The following NRG3 variants were observed in gnomAD, a reference collection of about 807,000 sequenced individuals.
NRG3 encodes pro-neuregulin-3, membrane-bound isoform.
A neutral mutation model predicts 66.9 loss-of-function variants in NRG3; 31 were observed. That is an observed-to-expected ratio of 0.46 (90% CI 0.35 to 0.63). The LOEUF is 0.63. Ranked by LOEUF, NRG3 falls within the 20% of genes least tolerant of loss-of-function variation. The pLI, the probability that NRG3 is intolerant of heterozygous loss-of-function variation, is 0.00. For missense variants in NRG3, 910 were observed against 878.9 expected (o/e 1.04, Z -0.45); for synonymous variants, 393 against 359.4 (o/e 1.09, Z -1.06).
chr10:82,760,683 AAAAT>A lies in NRG3; in HGVS notation c.1027+22043_1027+22046del, dbSNP rs779570349. ...TGGTTTTATCTACTTAGAAAATAAA[AAAAT>A]AAATAAATAGAGAATAGCTACCAAA... is the stretch of plus-strand genomic sequence containing the variant. On this transcript the variant is annotated intron_variant, in intron 3 of 8. Coordinates refer to ENST00000372141, the MANE Select transcript of NRG3 (RefSeq NM_001010848.4). Among the ~76,000 whole-genome samples the A allele has an allele frequency of 5.3e-5, 8 of 152,176 alleles. 1 individual carries two copies. Among genetic ancestry groups the A allele is most frequent in the Admixed American group, 2.0e-4 (3 of 15,258 alleles).
intron 3 of NRG3, among the ~76,000 whole-genome samples, chr10:82,839,327 T>C (rs1385773292): frequency 6.6e-6 from 1 of 152,158 alleles, no homozygotes; most frequent in Non-Finnish European, 1.5e-5. Context: ...AACAAACTGA[T>C]ACTTATCAAA....
chr10:82,720,612 T>C (rs2057237783), intron 2 of NRG3, among the ~76,000 whole-genome samples: 1 of 151,578 alleles, frequency 6.6e-6, no homozygotes, highest in Non-Finnish European at 1.5e-5. Context: ...TAACAACATC[T>C]CCTTCTCAAC....
chr10:82,939,060 T>A (rs1327435157), intron 4 of NRG3, among the ~76,000 whole-genome samples: 2 of 152,340 alleles, frequency 1.3e-5, no homozygotes, highest in African/African-American at 4.8e-5. Context: ...ATAATTTATT[T>A]GTGGAAGAAA....
At chr10:82,107,584 A>C (rs968938733) in intron 1 of NRG3, among the ~76,000 whole-genome samples, 2 of 152,248 alleles carry the variant, frequency 1.3e-5, no homozygotes, top group Non-Finnish European at 2.9e-5. Context: ...TCAGTGATGT[A>C]GCAGAACTAG....
At chr10:82,876,213 T>C (rs1591802938) in intron 4 of NRG3, among the ~76,000 whole-genome samples, 2 of 152,128 alleles carry the variant, frequency 1.3e-5, no homozygotes. Flanking sequence ...GTATAATATT[T>C]TCCGTAAAGT....
At position 82,894,951 on chromosome 10, in the gene NRG3, C is replaced by T. The variant is rs1016990954; in HGVS notation, c.1054+29514C>T. On this transcript the variant is annotated intron_variant, in intron 4 of 8. Coordinates refer to ENST00000372141, the MANE Select transcript of NRG3 (RefSeq NM_001010848.4). ...TGATGTTCCCCTCTCTGTGTCCATG[C>T]GTTCTTTGTTCAACTCCCACTTATG... is the stretch of plus-strand genomic sequence containing the variant. 2.0e-5 allele frequency among the ~76,000 whole-genome samples: 3 copies of T among 152,104 alleles called. No individual in the cohort carries two copies. The East Asian group carries it at 5.8e-4, about 29-fold the overall frequency.
intron 2 of NRG3, among the ~76,000 whole-genome samples, chr10:82,408,058 A>AGAGC (rs1826605595): frequency 8.3e-6 from 1 of 120,520 alleles, no homozygotes; most frequent in Non-Finnish European, 1.7e-5. Flanking sequence ...AGAGAGAGAG[A>AGAGC]GAGAGAGAGA....
At chr10:82,412,056 G>A (rs2088134972) in intron 2 of NRG3, among the ~76,000 whole-genome samples, 1 of 152,082 alleles carries the variant, frequency 6.6e-6, no homozygotes, top group Admixed American at 6.6e-5. Context: ...GGAGCCATTA[G>A]CATGATTTTA....
At chr10:82,498,641 A>G (rs557653481) in intron 2 of NRG3, among the ~76,000 whole-genome samples, 10 of 152,158 alleles carry the variant, frequency 6.6e-5, no homozygotes, top group African/African-American at 2.4e-4. Context: ...AGAAAAGGAC[A>G]TGAGATTACT....
At chr10:82,022,512 G>T (rs571538335) in intron 1 of NRG3, among the ~76,000 whole-genome samples, 3 of 152,092 alleles carry the variant, frequency 2.0e-5, no homozygotes, top group Admixed American at 6.6e-5. Context: ...AAGCAAGAAA[G>T]GCTTTGCCTA....
At chr10:82,077,087 A>G (rs1026532977) in intron 1 of NRG3, among the ~76,000 whole-genome samples, 2 of 152,248 alleles carry the variant, frequency 1.3e-5, no homozygotes, top group African/African-American at 4.8e-5. Flanking sequence ...ACAGCCATTT[A>G]TAATGGAAAA....
chr10:82,865,008 T>G (rs189974895), intron 3 of NRG3, among the ~76,000 whole-genome samples: 2 of 152,358 alleles, frequency 1.3e-5, no homozygotes, highest in East Asian at 3.9e-4. Context: ...ATTTTTATTA[T>G]AGAGGTTCAA....
In NRG3 at chr10:82,718,894, G is replaced by A. The variant is rs567412453; in HGVS notation, c.954-19683G>A. Among the ~76,000 whole-genome samples, 6 of 152,298 alleles carry A rather than the reference G, an allele frequency of 3.9e-5. No individual in the cohort carries two copies. In the South Asian group the frequency reaches 1.2e-3, roughly 32 times the overall value. ...AGGTCATTAAAGTTGTAATTGTAGT[G>A]CAAATTTTTTTAGATCGAGGTCTGG... On this transcript the variant is annotated intron_variant, in intron 2 of 8. Coordinates refer to ENST00000372141, the MANE Select transcript of NRG3 (RefSeq NM_001010848.4).
At chr10:81,971,481 C>T (rs2059930945) in intron 1 of NRG3, among the ~76,000 whole-genome samples, 1 of 152,178 alleles carries the variant, frequency 6.6e-6, no homozygotes, top group South Asian at 2.1e-4. Context: ...AAAAGATCAA[C>T]TATGATGACA....
At chr10:82,820,742 TTGA>T (rs1259053426) in intron 3 of NRG3, among the ~76,000 whole-genome samples, 3 of 152,242 alleles carry the variant, frequency 2.0e-5, no homozygotes, top group African/African-American at 7.2e-5. Context: ...TTTCTAAGTG[TTGA>T]TGATTTCAGA....
intron 1 of NRG3, among the ~76,000 whole-genome samples, chr10:82,121,344 C>T (rs1374039932): frequency 6.6e-6 from 1 of 152,136 alleles, no homozygotes; most frequent in East Asian, 1.9e-4. Context: ...ATTGGATCTG[C>T]CATTGTACCT....
intron 3 of NRG3, among the ~76,000 whole-genome samples, chr10:82,776,930 G>A (rs1054217823): frequency 1.3e-5 from 2 of 151,844 alleles, no homozygotes; most frequent in African/African-American, 4.8e-5. Flanking sequence ...CATTTATATG[G>A]GGTTAGCTAC....
At chr10:82,321,869 A>C (rs1032429969) in intron 1 of NRG3, among the ~76,000 whole-genome samples, 11 of 152,124 alleles carry the variant, frequency 7.2e-5, no homozygotes, top group African/African-American at 2.7e-4. Flanking sequence ...TGACAGTTGT[A>C]TTCTTGTTGG....
intron 1 of NRG3, among the ~76,000 whole-genome samples, chr10:82,316,065 G>A (rs1309642763): frequency 6.6e-6 from 1 of 152,138 alleles, no homozygotes; most frequent in African/African-American, 2.4e-5. Context: ...GGTGTTGTTA[G>A]TGTGAGAACC....
Sources: allele counts gnomAD v4.1 joint callset (sites outside exome capture counted in the v4.1 genomes callset), GRCh38; gene constraint gnomAD v4.1.1; transcripts MANE v1.5; gene names NCBI Gene and HGNC (gene_info 2026-07-23, HGNC 2026-07-21).